Variants in RHCG observed in about 807,000 individuals in gnomAD.
RHCG encodes ammonium transporter Rh type C.
Under a neutral mutation model 55.3 loss-of-function variants are expected in RHCG, and 39 were observed. The observed-to-expected ratio is 0.70, with a 90% CI of 0.55 to 0.92. RHCG has a LOEUF of 0.92. Ranked by LOEUF, RHCG falls within the 40% of genes least tolerant of loss-of-function variation. The pLI is 0.00. For missense variants in RHCG, 635 were observed against 627.9 expected (o/e 1.01, Z -0.12); for synonymous variants, 250 against 246.8 (o/e 1.01, Z -0.12).
intron 1 of RHCG, among the ~76,000 whole-genome samples, chr15:89,490,557 A>G (rs909440377): frequency 2.0e-5 from 3 of 152,350 alleles, no homozygotes; most frequent in Admixed American, 2.0e-4. Context: ...AGCACCATAA[A>G]TGGTATTATG....
At chr15:89,486,702 G>T in intron 2 of RHCG, 97 bp downstream of exon 2, 1 of 1,305,278 alleles carries the variant, frequency 7.7e-7, no homozygotes, top group Non-Finnish European at 1.1e-6. Context: ...CCTCAAGCCC[G>T]GGTCCCGCCG....
chr15:89,472,961 C>A (rs761075380), intron 9 of RHCG, 98 bp from the exon 10 acceptor site: 21 of 1,325,628 alleles, frequency 1.6e-5, no homozygotes, highest in South Asian at 1.8e-5. Flanking sequence ...GTGTGGCGAG[C>A]GCCACCTTGT....
At chr15:89,489,816 C>G (rs1274644023) in intron 1 of RHCG, among the ~76,000 whole-genome samples, 1 of 152,174 alleles carries the variant, frequency 6.6e-6, no homozygotes, top group African/African-American at 2.4e-5. Context: ...CCTATGGCAC[C>G]CTGTTTTCTT....
At chr15:89,487,859 T>C (rs1010105121) in intron 1 of RHCG, among the ~76,000 whole-genome samples, 3 of 152,172 alleles carry the variant, frequency 2.0e-5, no homozygotes, top group African/African-American at 7.2e-5. Flanking sequence ...TAATTCTGAG[T>C]TCTGACCCAA....
At chr15:89,487,448 C>G (rs926975367) in intron 1 of RHCG, among the ~76,000 whole-genome samples, 1 of 152,164 alleles carries the variant, frequency 6.6e-6, no homozygotes. Context: ...TAGCCCAGAC[C>G]GTCTGAGGCT....
chr15:89,480,156 T>C, intron 4 of RHCG, 105 bp downstream of exon 4: 1 of 1,463,198 alleles, frequency 6.8e-7, no homozygotes, highest in Non-Finnish European at 9.5e-7. Flanking sequence ...CTGATCATGG[T>C]GGCCTTCACC....
At chr15:89,478,074 T>A in intron 5 of RHCG, 100 bp from the exon 6 acceptor site, 1 of 1,453,646 alleles carries the variant, frequency 6.9e-7, no homozygotes, top group South Asian at 1.4e-5. Flanking sequence ...GCAGCCTGGC[T>A]CCTGGGAGCC....
Position 89,472,748 on chromosome 15 carries a change from G to C in RHCG, c.1427C>G (p.Pro476Arg), listed in dbSNP as rs1961062330. ...TGCCCTGGGAGCCTAGGGTACCAAGGGTACCGAGGAAGCCATGGGTAGTGG... is the reference window on the plus strand; with the variant it reads ...TGCCCTGGGAGCCTAGGGTACCAAGCGTACCGAGGAAGCCATGGGTAGTGG... ...VSPLPMASSV[P>R]LVP The change falls in exon 10 of 11, where the codon CCC becomes CGC. Residue 476 changes from proline (P) to arginine (R), a missense_variant. Coordinates refer to ENST00000268122, the MANE Select transcript of RHCG (RefSeq NM_016321.3). The C allele has an allele frequency of 1.2e-6, 2 of 1,603,728 alleles. No individual in the cohort carries two copies. The highest frequency in any genetic ancestry group is 1.1e-5 in the South Asian group (1 of 89,076).
intron 1 of RHCG, among the ~76,000 whole-genome samples, chr15:89,490,271 G>A (rs767806253): frequency 3.3e-5 from 5 of 152,244 alleles, no homozygotes; most frequent in Non-Finnish European, 5.9e-5. Context: ...CCAGGCCAAG[G>A]CCACAGACCC....
rs1211990402 is a variant in RHCG at position 89,472,731 on chromosome 15, G to A, written c.*4C>T. 1.9e-6 allele frequency: 3 copies of A among 1,608,952 alleles called. No individual in the cohort carries two copies. Among genetic ancestry groups the A allele is most frequent in the South Asian group, 2.2e-5 (2 of 89,894 alleles). ...CTCACCTGCTCCTCACCTGCCCTGG[G>A]AGCCTAGGGTACCAAGGGTACCGAG... On this transcript the variant is annotated 3_prime_UTR_variant, in exon 10 of 11. Coordinates refer to ENST00000268122, the MANE Select transcript of RHCG (RefSeq NM_016321.3).
intron 1 of RHCG, among the ~76,000 whole-genome samples, chr15:89,488,807 G>A (rs931150301): frequency 3.3e-5 from 5 of 151,578 alleles, no homozygotes; most frequent in African/African-American, 1.2e-4. Context: ...GTCATTATTG[G>A]GTCCATTGAG....
At chr15:89,483,972 C>T (rs1961314125) in intron 2 of RHCG, among the ~76,000 whole-genome samples, 1 of 152,200 alleles carries the variant, frequency 6.6e-6, no homozygotes, top group Admixed American at 6.5e-5. Flanking sequence ...ATCCATGTGC[C>T]CACTTTGCCC....
intron 2 of RHCG, among the ~76,000 whole-genome samples, chr15:89,484,916 C>T (rs1416721787): frequency 6.6e-6 from 1 of 152,132 alleles, no homozygotes; most frequent in Non-Finnish European, 1.5e-5. Context: ...AAGAGGGGCA[C>T]TTTCTACAGT....
At chr15:89,473,261 A>G (rs923149253) in intron 9 of RHCG, among the ~76,000 whole-genome samples, 5 of 152,214 alleles carry the variant, frequency 3.3e-5, no homozygotes, top group Non-Finnish European at 5.9e-5. Context: ...GGTAAAAGGT[A>G]GTATGGCAAG....
intron 3 of RHCG, among the ~76,000 whole-genome samples, chr15:89,481,789 G>T (rs1567226361): frequency 6.6e-6 from 1 of 150,966 alleles, no homozygotes; most frequent in Non-Finnish European, 1.5e-5. Context: ...TTATTTATTT[G>T]TTTTTTTTTG....
At chr15:89,474,557 G>C (rs1231627564) in intron 9 of RHCG, among the ~76,000 whole-genome samples, 3 of 152,194 alleles carry the variant, frequency 2.0e-5, no homozygotes, top group African/African-American at 7.2e-5. Context: ...CATGATTCAT[G>C]GGGAGAGGCC....
intron 2 of RHCG, among the ~76,000 whole-genome samples, chr15:89,483,474 C>A (rs536186138): frequency 2.0e-5 from 3 of 152,258 alleles, no homozygotes; most frequent in African/African-American, 7.2e-5. Context: ...CCGCTGCTTG[C>A]AGACAGCTTG....
chr15:89,476,113 C>T (rs1051129607), intron 9 of RHCG, among the ~76,000 whole-genome samples: 3 of 152,008 alleles, frequency 2.0e-5, no homozygotes, highest in African/African-American at 7.3e-5. Context: ...ATTGCCCAGG[C>T]TGGAGTGCAG....
At chr15:89,480,850 G>A (rs950194061) in intron 3 of RHCG, among the ~76,000 whole-genome samples, 5 of 152,218 alleles carry the variant, frequency 3.3e-5, no homozygotes, top group Non-Finnish European at 4.4e-5. Context: ...TGCCCCTGGC[G>A]AGGGCCTGGC....
Sources: gnomAD v4.1 joint callset for allele counts (sites outside exome capture counted in the v4.1 genomes callset) on GRCh38, gnomAD v4.1.1 for gene constraint, MANE v1.5 for transcripts, NCBI Gene and HGNC (gene_info 2026-07-23, HGNC 2026-07-21) for gene names.